The following CALD1 variants were observed in gnomAD, a reference collection of about 807,000 sequenced individuals.
The protein encoded by CALD1 is caldesmon.
CALD1 carries 33 observed loss-of-function variants against 99.9 expected under a neutral mutation model. The ratio of observed to expected loss-of-function variants is 0.33; its 90% CI spans 0.25 to 0.44. CALD1 has a LOEUF of 0.44. CALD1 is among the 20% of genes least tolerant of loss of function. CALD1 has a pLI of 1.00. For synonymous variants in CALD1, 310 were observed against 325.0 expected, an observed-to-expected ratio of 0.95 and a Z score of 0.50; for missense variants, 861 against 962.1, an observed-to-expected ratio of 0.89 and a Z score of 1.39.
intron 1 of CALD1, among the ~76,000 whole-genome samples, chr7:134,790,854 A>G (rs573408121): frequency 6.6e-6 from 1 of 152,214 alleles, no homozygotes; most frequent in Admixed American, 6.5e-5. Context: ...AAATACTTCA[A>G]GCTGTTTTGG....
chr7:134,732,882 C>T, the CALD1 span, among the ~76,000 whole-genome samples: 2 of 152,240 alleles, frequency 1.3e-5, no homozygotes, highest in African/African-American at 2.4e-5. Flanking sequence ...AATTCTCAAG[C>T]GGGATGGGCC....
chr7:134,770,653 A>T (rs1267069211), intron 1 of CALD1, among the ~76,000 whole-genome samples: 1 of 152,124 alleles, frequency 6.6e-6, no homozygotes, highest in African/African-American at 2.4e-5. Context: ...ATCCAGTATG[A>T]CTTCATATTG....
intron 1 of CALD1, among the ~76,000 whole-genome samples, chr7:134,792,678 T>C (rs1292050485): frequency 1.3e-5 from 2 of 152,182 alleles, no homozygotes; most frequent in African/African-American, 4.8e-5. Flanking sequence ...GTAAAGACCC[T>C]ATCTCCAAAT....
At chr7:134,907,756 C>T (rs997672693) in intron 3 of CALD1, among the ~76,000 whole-genome samples, 2 of 152,138 alleles carry the variant, frequency 1.3e-5, no homozygotes, top group African/African-American at 4.8e-5. Context: ...TCCAGTCCCC[C>T]CCCGCCTTTT....
intron 3 of CALD1, among the ~76,000 whole-genome samples, chr7:134,890,405 A>G (rs1802095428): frequency 6.6e-6 from 1 of 152,150 alleles, no homozygotes; most frequent in African/African-American, 2.4e-5. Context: ...GTGTGACATG[A>G]AGCCGCAGAT....
intron 2 of CALD1, among the ~76,000 whole-genome samples, chr7:134,864,099 C>T (rs1800685669): frequency 6.6e-6 from 1 of 152,042 alleles, no homozygotes; most frequent in African/African-American, 2.4e-5. Flanking sequence ...GCCTGTAATC[C>T]CAGCACTTTG....
In CALD1 at chr7:134,783,831, A is replaced by T. The variant is rs1404582061; in HGVS notation, c.-130+4082A>T. On this transcript the variant is annotated intron_variant, in intron 1 of 14. Coordinates refer to ENST00000361675, the MANE Select transcript of CALD1 (RefSeq NM_033138.4). This position sits in a 1 kb window ranked among gnomAD's most constrained non-coding sequence, Gnocchi z 4.3. The stretch of plus-strand genomic sequence containing the variant: ...ATGAGTGGAGGTGTCCATGATCTGG[A>T]AGGAAGAAAAGAGGGGGTAAATACA... Among the ~76,000 whole-genome samples the T allele has an allele frequency of 6.6e-6, 1 of 152,110 alleles. No individual in the cohort carries two copies. Among genetic ancestry groups the T allele is most frequent in the Non-Finnish European group, 1.5e-5 (1 of 68,020 alleles).
chr7:134,935,462 A>G (rs1805890036), intron 5 of CALD1, among the ~76,000 whole-genome samples: 1 of 152,166 alleles, frequency 6.6e-6, no homozygotes, highest in South Asian at 2.1e-4. Context: ...GTGCCACATC[A>G]TGCTAGATTT....
chr7:134,799,424 G>A (rs1042656054), intron 1 of CALD1, among the ~76,000 whole-genome samples: 3 of 152,178 alleles, frequency 2.0e-5, no homozygotes, highest in Non-Finnish European at 4.4e-5. Context: ...AAGAGCTCAC[G>A]GCTTGGGGTG....
chr7:134,759,727 G>C (rs1045080271), intron 1 of CALD1, among the ~76,000 whole-genome samples: 1 of 152,194 alleles, frequency 6.6e-6, no homozygotes, highest in Non-Finnish European at 1.5e-5. Context: ...ATCCTACCAT[G>C]TGCCAAGAAC....
At chr7:134,907,406 T>C (rs1488136322) in intron 3 of CALD1, among the ~76,000 whole-genome samples, 3 of 152,054 alleles carry the variant, frequency 2.0e-5, no homozygotes, top group African/African-American at 7.2e-5. Flanking sequence ...AGAGCTTTTA[T>C]TTTGCTCCAG....
chr7:134,786,703 T>C (rs1443377078), intron 1 of CALD1, among the ~76,000 whole-genome samples: 3 of 152,206 alleles, frequency 2.0e-5, no homozygotes, highest in Admixed American at 1.3e-4. Flanking sequence ...GTCATCCAGT[T>C]AATTAGTGGT....
At chr7:134,918,061 C>T (rs1182618319) in intron 3 of CALD1, among the ~76,000 whole-genome samples, 1 of 152,066 alleles carries the variant, frequency 6.6e-6, no homozygotes, top group Admixed American at 6.5e-5. Context: ...CAAATTCTGT[C>T]CCTGTTTGTG....
chr7:134,922,423 C>T (rs1363491247), intron 3 of CALD1, among the ~76,000 whole-genome samples: 1 of 151,962 alleles, frequency 6.6e-6, no homozygotes, highest in South Asian at 2.1e-4. Flanking sequence ...TAGTCTCAAA[C>T]CAGAAGATAC....
intron 4 of CALD1, among the ~76,000 whole-genome samples, chr7:134,932,674 C>T (rs1387723010): frequency 6.6e-6 from 1 of 152,176 alleles, no homozygotes; most frequent in African/African-American, 2.4e-5. Flanking sequence ...GGAGTTATCC[C>T]ACTCAAAAAG....
intron 1 of CALD1, among the ~76,000 whole-genome samples, chr7:134,745,276 C>G (rs1322928478): frequency 6.6e-6 from 1 of 152,152 alleles, no homozygotes; most frequent in African/African-American, 2.4e-5. Flanking sequence ...TAAATTTGGT[C>G]AGAATTAGTT....
chr7:134,956,363 C>T (rs986803356), intron 9 of CALD1, among the ~76,000 whole-genome samples: 1 of 152,132 alleles, frequency 6.6e-6, no homozygotes, highest in South Asian at 2.1e-4. Flanking sequence ...ATGTTGAAAT[C>T]CTAATCTGCA....
At chr7:134,727,243 G>A in the CALD1 span, among the ~76,000 whole-genome samples, 1 of 152,238 alleles carries the variant, frequency 6.6e-6, no homozygotes, top group Non-Finnish European at 1.5e-5. Context: ...TCTGTTCCAT[G>A]GATTCAGATT....
chr7:134,910,553 G>A (rs1346030804), intron 3 of CALD1, among the ~76,000 whole-genome samples: 1 of 152,152 alleles, frequency 6.6e-6, no homozygotes, highest in African/African-American at 2.4e-5. Flanking sequence ...AAAAAGGCAT[G>A]TGCTGGAGTT....
Sources: allele counts gnomAD v4.1 joint callset (sites outside exome capture counted in the v4.1 genomes callset), GRCh38; gene constraint gnomAD v4.1.1; non-coding constraint Gnocchi (gnomAD v3.1); transcripts MANE v1.5; gene names NCBI Gene and HGNC (gene_info 2026-07-23, HGNC 2026-07-21).